The following CADM2 variants were observed in gnomAD, a reference collection of about 807,000 sequenced individuals.
CADM2 encodes the protein cell adhesion molecule 2.
In CADM2, 12 loss-of-function variants were observed where a neutral mutation model predicts 49.8. That is an observed-to-expected ratio of 0.24 (90% CI 0.15 to 0.39). The LOEUF (loss-of-function observed/expected upper bound fraction) is 0.39. Ranked by LOEUF, CADM2 falls within the 10% of genes least tolerant of loss-of-function variation. The probability of loss-of-function intolerance (pLI) is 1.00; values close to 1 mark genes in which losing one functional copy is unlikely to be tolerated. For synonymous variants in CADM2, 214 were observed against 175.4 expected, an observed-to-expected ratio of 1.22 and a Z score of -1.74; for missense variants, 378 against 492.3, an observed-to-expected ratio of 0.77 and a Z score of 2.20.
intron 6 of CADM2, among the ~76,000 whole-genome samples, chr3:85,920,540 C>A (rs1718967318): frequency 2.0e-5 from 3 of 151,560 alleles, no homozygotes. Flanking sequence ...TAGAGTGTGA[C>A]CACTATTTGA....
intron 1 of CADM2, among the ~76,000 whole-genome samples, chr3:85,652,000 T>C (rs2065056786): frequency 6.7e-6 from 1 of 149,826 alleles, no homozygotes; most frequent in Non-Finnish European, 1.5e-5. Flanking sequence ...TTTTTTTTAA[T>C]TAGAGACGGG....
intron 2 of CADM2, among the ~76,000 whole-genome samples, chr3:85,788,260 CATT>C (rs2071116136): frequency 6.6e-6 from 1 of 151,974 alleles, no homozygotes; most frequent in Non-Finnish European, 1.5e-5. Flanking sequence ...TTTCAGGAAA[CATT>C]GTTATATTTA....
At chr3:85,418,424 T>C (rs1272360441) in intron 1 of CADM2, among the ~76,000 whole-genome samples, 1 of 152,226 alleles carries the variant, frequency 6.6e-6, no homozygotes, top group East Asian at 1.9e-4. Context: ...ATTTTTCTAT[T>C]AACCTAAAGC....
At chr3:85,989,603 CAG>C (rs1240610328) in intron 8 of CADM2, among the ~76,000 whole-genome samples, 2 of 152,112 alleles carry the variant, frequency 1.3e-5, no homozygotes, top group Non-Finnish European at 2.9e-5. Context: ...GAAGGAAGAA[CAG>C]AGATACGTGT....
chr3:85,389,492 C>T (rs769578189), intron 1 of CADM2, among the ~76,000 whole-genome samples: 1 of 151,952 alleles, frequency 6.6e-6, no homozygotes, highest in Non-Finnish European at 1.5e-5. Flanking sequence ...TTTTCTGTAT[C>T]TATTCTACAT....
chr3:85,244,328 C>G (rs2042601059), intron 1 of CADM2, among the ~76,000 whole-genome samples: 1 of 152,046 alleles, frequency 6.6e-6, no homozygotes, highest in Admixed American at 6.6e-5. Flanking sequence ...AGCCAAAAAC[C>G]TTGCACAGTA....
At position 85,415,632 on chromosome 3, in the gene CADM2, T is replaced by A. The variant is rs2035885882; in HGVS notation, c.62-310890T>A. On this transcript the variant is annotated intron_variant, in intron 1 of 9. Coordinates refer to ENST00000383699, the MANE Select transcript of CADM2 (RefSeq NM_001167675.2). ...CTTGAAAAGAAATGTAAATGCACTTTACAAGATTTTCCTAACATTGCACAT... is the reference window on the plus strand; with the variant it reads ...CTTGAAAAGAAATGTAAATGCACTTAACAAGATTTTCCTAACATTGCACAT... Among the ~76,000 whole-genome samples the A allele has an allele frequency of 3.3e-5, 5 of 152,168 alleles. No individual in the cohort carries two copies. The South Asian group carries it at 1.0e-3, about 31-fold the overall frequency.
At chr3:85,007,710 C>A (rs1167921525) in intron 1 of CADM2, among the ~76,000 whole-genome samples, 1 of 152,116 alleles carries the variant, frequency 6.6e-6, no homozygotes, top group African/African-American at 2.4e-5. Flanking sequence ...TTTACTGTGG[C>A]TTTTGAATCT....
intron 1 of CADM2, among the ~76,000 whole-genome samples, chr3:85,238,613 T>C (rs1009552748): frequency 6.6e-6 from 1 of 151,930 alleles, no homozygotes; most frequent in African/African-American, 2.4e-5. Flanking sequence ...GAACAAATGC[T>C]TGACTAGAAC....
intron 1 of CADM2, among the ~76,000 whole-genome samples, chr3:85,441,027 G>A (rs1264425578): frequency 6.6e-6 from 1 of 151,728 alleles, no homozygotes; most frequent in East Asian, 1.9e-4. Context: ...TACAATATTG[G>A]TATCTTTATA....
chr3:85,883,159 C>G, intron 3 of CADM2, 132 bp from the exon 4 acceptor site: 2 of 679,756 alleles, frequency 2.9e-6, no homozygotes, highest in Non-Finnish European at 4.5e-6. Context: ...TTCTTTTAAA[C>G]TGTTCCAAGA....
At chr3:85,790,407 G>A (rs1265468265) in intron 2 of CADM2, among the ~76,000 whole-genome samples, 3 of 152,184 alleles carry the variant, frequency 2.0e-5, no homozygotes, top group African/African-American at 4.8e-5. Context: ...CAATCCAGGG[G>A]TTATCCCATA....
At chr3:85,938,267 A>G (rs897091508) in intron 7 of CADM2, among the ~76,000 whole-genome samples, 1 of 152,118 alleles carries the variant, frequency 6.6e-6, no homozygotes, top group African/African-American at 2.4e-5. Flanking sequence ...AAAAAACAAG[A>G]CAAGACTGAA....
chr3:84,988,480 T>G (rs1044358145), intron 1 of CADM2, among the ~76,000 whole-genome samples: 1 of 152,206 alleles, frequency 6.6e-6, no homozygotes, highest in South Asian at 2.1e-4. Flanking sequence ...ACCTAGCAGA[T>G]AGCAAAAAAT....
At chr3:85,659,761 T>C (rs1483156832) in intron 1 of CADM2, among the ~76,000 whole-genome samples, 1 of 152,126 alleles carries the variant, frequency 6.6e-6, no homozygotes, top group Non-Finnish European at 1.5e-5. Flanking sequence ...AGATTATGGT[T>C]AAGTACACAT....
chr3:85,639,400 T>A (rs545106704), intron 1 of CADM2, among the ~76,000 whole-genome samples: 2 of 152,154 alleles, frequency 1.3e-5, no homozygotes, highest in South Asian at 2.1e-4. Context: ...GGGCATGAAA[T>A]TCAGGGTCAG....
At chr3:86,004,024 C>A (rs559204772) in intron 8 of CADM2, among the ~76,000 whole-genome samples, 8 of 151,986 alleles carry the variant, frequency 5.3e-5, no homozygotes, top group Admixed American at 5.2e-4. Flanking sequence ...CACATGCAGA[C>A]CATGGATCCT....
intron 5 of CADM2, among the ~76,000 whole-genome samples, chr3:85,907,009 A>G (rs1053126745): frequency 6.6e-6 from 1 of 152,324 alleles, no homozygotes. Flanking sequence ...CTGTGTTCTA[A>G]AAATGGTGTA....
intron 1 of CADM2, among the ~76,000 whole-genome samples, chr3:85,524,162 C>T (rs1009259456): frequency 1.8e-4 from 28 of 152,206 alleles, no homozygotes; most frequent in Admixed American, 7.2e-4. Flanking sequence ...TTTTATGAGC[C>T]TTCCCAAAGA....
Sources: allele counts gnomAD v4.1 joint callset (sites outside exome capture counted in the v4.1 genomes callset), GRCh38; gene constraint gnomAD v4.1.1; transcripts MANE v1.5; gene names NCBI Gene and HGNC (gene_info 2026-07-23, HGNC 2026-07-21).